Variants in BCO2 observed in about 807,000 individuals in gnomAD.
BCO2 encodes carotenoid-cleaving dioxygenase, mitochondrial.
A neutral mutation model predicts 65.8 loss-of-function variants in BCO2; 56 were observed. The ratio of observed to expected loss-of-function variants is 0.85; its 90% confidence interval spans 0.69 to 1.06. The LOEUF is 1.06. BCO2 is among the 50% of genes least tolerant of loss of function. The probability of loss-of-function intolerance (pLI) is 0.00; values close to 1 mark genes in which losing one functional copy is unlikely to be tolerated. For missense variants in BCO2, 675 were observed against 698.5 expected, an observed-to-expected ratio of 0.97 and a Z score of 0.38; for synonymous variants, 233 against 242.3, an observed-to-expected ratio of 0.96 and a Z score of 0.36.
rs1859753682 is a variant in BCO2, at chr11:112,218,565, T to C, written c.*691T>C. On this transcript the variant is annotated 3_prime_UTR_variant, in exon 12 of 12. Transcript: ENST00000357685. ...ACCAACTCACCCTAATTAAGGTTGA[T>C]GACAACAAGAAACCAGAGGAATGGG... is the stretch of plus-strand genomic sequence containing the variant. 2 of 234,892 alleles carry C rather than the reference T, an allele frequency of 8.5e-6. No individual in the cohort carries two copies. 14.6% of individuals were successfully genotyped at this position (234,892 alleles called of 1,614,324 possible). A position where few individuals can be genotyped will look rare whatever the true frequency, so the allele number is the denominator to read the frequency against.
At chr11:112,205,720 A>G (rs913340413) in intron 8 of BCO2, among the ~76,000 whole-genome samples, 2 of 152,240 alleles carry the variant, frequency 1.3e-5, no homozygotes, top group Admixed American at 1.3e-4. Flanking sequence ...CAGCCTCACA[A>G]GTAGCTGGGA....
chr11:112,185,403 C>T (rs967280561), intron 2 of BCO2, among the ~76,000 whole-genome samples: 3 of 152,074 alleles, frequency 2.0e-5, no homozygotes, highest in African/African-American at 7.2e-5. Flanking sequence ...TGTGACAAAA[C>T]CTCTATGGCC....
chr11:112,206,803 A>G (rs1219801374), intron 8 of BCO2, among the ~76,000 whole-genome samples: 5 of 152,222 alleles, frequency 3.3e-5, no homozygotes, highest in Admixed American at 2.0e-4. Flanking sequence ...TTTGGAGACA[A>G]TTGACATCTT....
chr11:112,202,405 C>T (rs570155147), intron 8 of BCO2, among the ~76,000 whole-genome samples: 22 of 152,216 alleles, frequency 1.4e-4, no homozygotes, highest in Non-Finnish European at 2.8e-4. Flanking sequence ...GCCTCAGCCT[C>T]CCGGGTAGCT....
At chr11:112,199,618 T>C in intron 5 of BCO2, 81 bp from the exon 6 acceptor site, 1 of 1,312,312 alleles carries the variant, frequency 7.6e-7, no homozygotes, top group Non-Finnish European at 1.1e-6. Flanking sequence ...TAATTGCTTT[T>C]GGCAAGTCCA....
At chr11:112,192,681 T>C (rs113126415) in intron 2 of BCO2, among the ~76,000 whole-genome samples, 4,090 of 148,156 alleles carry the variant, frequency 0.028, 152 homozygotes, top group African/African-American at 0.085. Context: ...TTCTTTCTTT[T>C]TTTTTTTTTT....
intron 5 of BCO2, among the ~76,000 whole-genome samples, chr11:112,197,748 A>G (rs1004946383): frequency 6.6e-6 from 1 of 152,136 alleles, no homozygotes; most frequent in African/African-American, 2.4e-5. Flanking sequence ...GTAACACCAG[A>G]GTTACCAGAG....
At chr11:112,193,828 G>A (rs755119056) in intron 3 of BCO2, 51 bp from the exon 4 acceptor site, 30 of 1,450,850 alleles carry the variant, frequency 2.1e-5, no homozygotes, top group Middle Eastern at 1.7e-4. Context: ...TGTGCTTAGC[G>A]TCGTCTACAG....
intron 4 of BCO2, 151 bp downstream of exon 4, chr11:112,194,145 T>C: frequency 1.7e-6 from 1 of 589,174 alleles, no homozygotes; most frequent in Non-Finnish European, 3.0e-6. Context: ...CTTTACTCTC[T>C]GGCCTGATGG....
At chr11:112,204,274 G>A (rs146803702) in intron 8 of BCO2, among the ~76,000 whole-genome samples, 4 of 152,280 alleles carry the variant, frequency 2.6e-5, no homozygotes, top group African/African-American at 9.6e-5. Flanking sequence ...ACTCCATTGT[G>A]TGTATATATC....
chr11:112,201,954 T>C (rs1202410600), intron 7 of BCO2, 69 bp from the exon 8 acceptor site: 1 of 1,394,514 alleles, frequency 7.2e-7, no homozygotes, highest in Non-Finnish European at 9.6e-7. Context: ...TGGACCTGTT[T>C]CCTAAAGGAA....
chr11:112,203,670 C>T (rs149634934), intron 8 of BCO2, among the ~76,000 whole-genome samples: 152 of 152,216 alleles, frequency 1.0e-3, no homozygotes, highest in Non-Finnish European at 1.7e-3. Context: ...TTATTTCTTA[C>T]GTTTGTACGT....
In BCO2 at chr11:112,177,646, A is replaced by C. The variant is rs374394988; in HGVS notation, c.89-1632A>C. ...TTGAGTATTCTGTTCTAAAAGCTTT[A>C]CATAAACTAACTCATTTATTACTTA... On this transcript the variant is annotated intron_variant, in intron 1 of 11. Transcript: ENST00000357685. 3.3e-5 allele frequency among the ~76,000 whole-genome samples: 5 copies of C among 152,372 alleles called. No homozygotes were observed. In the South Asian group the frequency reaches 1.0e-3, roughly 32 times the overall value.
chr11:112,195,736 G>T (rs983777301), intron 5 of BCO2, among the ~76,000 whole-genome samples: 1 of 152,182 alleles, frequency 6.6e-6, no homozygotes, highest in South Asian at 2.1e-4. Context: ...GAGCCACTGC[G>T]CCTGGTCTGA....
At chr11:112,193,768 T>C in intron 3 of BCO2, 71 bp downstream of exon 3, 1 of 1,552,378 alleles carries the variant, frequency 6.4e-7, no homozygotes, top group South Asian at 1.1e-5. Context: ...TGAAAATAGA[T>C]TTTTTTGTGT....
intron 2 of BCO2, among the ~76,000 whole-genome samples, chr11:112,190,284 T>C (rs532931272): frequency 3.9e-5 from 6 of 152,154 alleles, no homozygotes; most frequent in African/African-American, 1.4e-4. Context: ...ACCCTGTCTC[T>C]TAAAAAAGAA....
chr11:112,191,036 A>G (rs1867372921), intron 2 of BCO2, among the ~76,000 whole-genome samples: 2 of 151,174 alleles, frequency 1.3e-5, no homozygotes, highest in African/African-American at 4.8e-5. Flanking sequence ...AAGCAGTAAT[A>G]CTACATTGGA....
intron 2 of BCO2, chr11:112,179,847 G>A (rs1008900209): frequency 1.2e-5 from 3 of 249,936 alleles, no homozygotes; most frequent in Non-Finnish European, 2.4e-5. Context: ...GTCTTTTTCA[G>A]TTCCTCAAAC....
chr11:112,191,777 GATGA>G (rs1196619736), intron 2 of BCO2, among the ~76,000 whole-genome samples: 1 of 152,068 alleles, frequency 6.6e-6, no homozygotes, highest in African/African-American at 2.4e-5. Context: ...TAGACCAATA[GATGA>G]ATGACATAGA....
Sources: gnomAD v4.1 joint callset for allele counts (sites outside exome capture counted in the v4.1 genomes callset) on GRCh38, gnomAD v4.1.1 for gene constraint, MANE v1.5 for transcripts, NCBI Gene and HGNC (gene_info 2026-07-23, HGNC 2026-07-21) for gene names.